The following PAPPA2 variants were observed in gnomAD, a reference collection of about 807,000 sequenced individuals.
PAPPA2 encodes the protein pappalysin 2, also known as pappalysin-2.
PAPPA2 carries 86 observed loss-of-function variants against 176.4 expected under a neutral mutation model. That is an observed-to-expected ratio of 0.49 (90% CI 0.41 to 0.58). The LOEUF is 0.58. PAPPA2 is among the 20% of genes least tolerant of loss of function. The pLI, the probability that PAPPA2 is intolerant of heterozygous loss-of-function variation, is 0.00. For missense variants in PAPPA2, 2,073 were observed against 2,256.9 expected, an observed-to-expected ratio of 0.92 and a Z score of 1.65; for synonymous variants, 809 against 852.2, an observed-to-expected ratio of 0.95 and a Z score of 0.88.
Position 176,710,068 on chromosome 1 carries a change from C to G in PAPPA2, c.3543C>G (p.Ile1181Met), listed in dbSNP as rs755945384. ...AAACCAGCATTGTAGACTGTGGCAT[C>G]TACACTCCCAAAGGATACTTGGATC... The part of the protein sequence containing the change: ...ERKTSIVDCG[I>M]YTPKGYLDQW... The change falls in exon 11 of 23, where the codon ATC becomes ATG. Residue 1181 changes from isoleucine (I) to methionine (M), a missense_variant. Around this residue, in one of 4 missense-constraint regions of PAPPA2, gnomAD observed 846 missense variants for 857.9 expected, o/e 0.99. Transcript: ENST00000367662. 1 of 1,613,836 alleles carries G rather than the reference C, an allele frequency of 6.2e-7. No homozygotes were observed. Among genetic ancestry groups the G allele is most frequent in the South Asian group, 1.1e-5 (1 of 91,068 alleles).
chr1:176,664,375 C>T (rs919590493), intron 3 of PAPPA2, among the ~76,000 whole-genome samples: 11 of 152,178 alleles, frequency 7.2e-5, no homozygotes, highest in African/African-American at 2.7e-4. Flanking sequence ...GCCCCTTCCT[C>T]CTTCTTCAAA....
rs574526458 is a variant in PAPPA2, at chr1:176,677,780, A to T, written c.2137+6665A>T. 3.3e-5 allele frequency among the ~76,000 whole-genome samples: 5 copies of T among 152,150 alleles called. No individual in the cohort carries two copies. In the East Asian group the frequency reaches 9.7e-4, roughly 29 times the overall value. ...TTGTCTTGGTACCATACTCATTGTC[A>T]TTGATTCATTGGATACCATACTCAT... On this transcript the variant is annotated intron_variant, in intron 4 of 22. Transcript: ENST00000367662.
chr1:176,640,602 G>A lies in PAPPA2; in HGVS notation c.1992-30368G>A, dbSNP rs546286021. On this transcript the variant is annotated intron_variant, in intron 3 of 22. Transcript: ENST00000367662. ...TCCAGTCTATCATTGTTGGACATTTGGGTTGGTTCCAAGTCTTTGCTCTTG... is the reference window on the plus strand; with the variant it reads ...TCCAGTCTATCATTGTTGGACATTTAGGTTGGTTCCAAGTCTTTGCTCTTG... Among the ~76,000 whole-genome samples the A allele has an allele frequency of 7.2e-5, 11 of 152,018 alleles. 1 individual carries two copies. Among genetic ancestry groups the A allele is most frequent in the Admixed American group, 3.3e-4 (5 of 15,258 alleles).
chr1:176,646,223 T>C (rs1270887169), intron 3 of PAPPA2, among the ~76,000 whole-genome samples: 1 of 151,524 alleles, frequency 6.6e-6, no homozygotes, highest in Admixed American at 6.6e-5. Flanking sequence ...TTCATAGTCT[T>C]AGGTCTTAGG....
At chr1:176,710,216 A>G in intron 11 of PAPPA2, 40 bp downstream of exon 11, 2 of 1,568,914 alleles carry the variant, frequency 1.3e-6, no homozygotes, top group South Asian at 2.3e-5. Flanking sequence ...CCTGCGCAAA[A>G]TTGTAAAGTG....
At chr1:176,840,075 C>A in intron 21 of PAPPA2, 98 bp from the exon 22 acceptor site, 1 of 969,558 alleles carries the variant, frequency 1.0e-6, no homozygotes, top group African/African-American at 1.6e-5. Context: ...TGTAATATCT[C>A]TGGAGCTGTA....
intron 17 of PAPPA2, among the ~76,000 whole-genome samples, chr1:176,773,149 T>C (rs1042106657): frequency 7.2e-5 from 11 of 152,208 alleles, no homozygotes; most frequent in Admixed American, 2.0e-4. Flanking sequence ...AGCATCAGTT[T>C]GGGCTTAAAC....
At chr1:176,699,717 T>C (rs1660560065) in intron 8 of PAPPA2, 128 bp downstream of exon 8, 2 of 1,429,490 alleles carry the variant, frequency 1.4e-6, no homozygotes, top group African/African-American at 2.9e-5. Context: ...AGAGGGGATT[T>C]TACCGTAAAG....
At position 176,843,678 on chromosome 1, in the gene PAPPA2, T is replaced by C. The variant is rs1352811837; in HGVS notation, c.*1224T>C. The C allele has an allele frequency of 6.6e-6, 1 of 151,902 alleles. No individual in the cohort carries two copies. The highest frequency in any genetic ancestry group is 1.5e-5 in the Non-Finnish European group (1 of 67,978). 9.4% of individuals were successfully genotyped at this position (151,902 alleles called of 1,614,324 possible). ...TTATGGAAATGATATAGGGGAAAGG[T>C]GGGAGGAGATGAAAGAACAGGCAAG... On this transcript the variant is annotated 3_prime_UTR_variant, in exon 23 of 23. Coordinates refer to ENST00000367662, the MANE Select transcript of PAPPA2 (RefSeq NM_020318.3).
chr1:176,751,239 T>C (rs1403794926), intron 14 of PAPPA2, among the ~76,000 whole-genome samples: 1 of 152,130 alleles, frequency 6.6e-6, no homozygotes, highest in Non-Finnish European at 1.5e-5. Flanking sequence ...TTTTGGTTAC[T>C]GTAGCCTTGT....
chr1:176,472,432 A>G (rs1029146217), intron 1 of PAPPA2, among the ~76,000 whole-genome samples: 1 of 152,180 alleles, frequency 6.6e-6, no homozygotes, highest in African/African-American at 2.4e-5. Flanking sequence ...TGATCCTAGT[A>G]GTCTTTAATA....
chr1:176,699,799 T>A (rs1367045933), intron 8 of PAPPA2, among the ~76,000 whole-genome samples: 1 of 152,208 alleles, frequency 6.6e-6, no homozygotes, highest in East Asian at 1.9e-4. Context: ...GATGCCATCA[T>A]CATGATTATG....
intron 3 of PAPPA2, among the ~76,000 whole-genome samples, chr1:176,604,004 C>G (rs981849463): frequency 1.3e-5 from 2 of 152,172 alleles, no homozygotes; most frequent in Non-Finnish European, 2.9e-5. Flanking sequence ...CACCTCTTAC[C>G]ATGCTCCTTA....
intron 1 of PAPPA2, among the ~76,000 whole-genome samples, chr1:176,472,323 G>A (rs533427201): frequency 4.6e-5 from 7 of 152,194 alleles, no homozygotes; most frequent in East Asian, 1.9e-4. Context: ...CATATTTGGT[G>A]GGTTTCAAGC....
chr1:176,700,630 A>G (rs1432442386), intron 8 of PAPPA2, among the ~76,000 whole-genome samples: 3 of 152,216 alleles, frequency 2.0e-5, no homozygotes, highest in Non-Finnish European at 4.4e-5. Flanking sequence ...CCAGCAGCAG[A>G]GAGGGCAAGC....
chr1:176,654,401 C>A (rs554898113), intron 3 of PAPPA2, among the ~76,000 whole-genome samples: 48 of 150,128 alleles, frequency 3.2e-4, no homozygotes, highest in Non-Finnish European at 6.2e-4. Context: ...CTATTCTGTC[C>A]CATTGATATA....
chr1:176,465,843 T>C (rs1651595649), intron 1 of PAPPA2, among the ~76,000 whole-genome samples: 1 of 152,104 alleles, frequency 6.6e-6, no homozygotes, highest in African/African-American at 2.4e-5. Context: ...TTCCCCTCTA[T>C]GTGTCATGTG....
At chr1:176,685,899 G>T (rs1482133534) in intron 4 of PAPPA2, among the ~76,000 whole-genome samples, 1 of 152,280 alleles carries the variant, frequency 6.6e-6, no homozygotes, top group Non-Finnish European at 1.5e-5. Flanking sequence ...AAACATGAAA[G>T]AACTTTTCTA....
chr1:176,809,549 G>A (rs543356753), intron 21 of PAPPA2, among the ~76,000 whole-genome samples: 3 of 152,206 alleles, frequency 2.0e-5, no homozygotes, highest in Admixed American at 6.5e-5. Flanking sequence ...TCTGGGACAC[G>A]TGCTTATTGA....
Sources: allele counts gnomAD v4.1 joint callset (sites outside exome capture counted in the v4.1 genomes callset), GRCh38; gene constraint gnomAD v4.1.1; regional missense constraint gnomAD v4.1.1; transcripts MANE v1.5; gene names NCBI Gene and HGNC (gene_info 2026-07-23, HGNC 2026-07-21).